The following RPS6KA3 variants were observed in gnomAD, a reference collection of about 807,000 sequenced individuals.
RPS6KA3 encodes ribosomal protein S6 kinase alpha-3.
A neutral mutation model predicts 67.2 loss-of-function variants in RPS6KA3; 4 were observed. The observed-to-expected ratio is 0.06, with a 90% CI of 0.03 to 0.14. The LOEUF is 0.14. Among genes scored for constraint, RPS6KA3 ranks in the 10% least tolerant of loss-of-function variants. The pLI is 1.00. For missense variants in RPS6KA3, 204 were observed against 559.0 expected, an observed-to-expected ratio of 0.36 and a Z score of 6.40; for synonymous variants, 182 against 183.7, an observed-to-expected ratio of 0.99 and a Z score of 0.07.
At position 20,266,628 on chromosome X, in the gene RPS6KA3, G is replaced by A. The variant is rs1227902305; in HGVS notation, c.5C>T (p.Pro2Leu). 14 of 1,142,275 alleles carry A rather than the reference G, an allele frequency of 1.2e-5. No individual in the cohort carries two copies. Among genetic ancestry groups the A allele is most frequent in the African/African-American group, 1.8e-5 (1 of 54,989 alleles). 94.1% of individuals were successfully genotyped at this position (1,142,275 alleles called of 1,213,427 possible). A position where few individuals can be genotyped will look rare whatever the true frequency, so the allele number is the denominator to read the frequency against. M[P>L]LAQLADPWQK... ...CCACGGGTCCGCCAGCTGCGCCAGC[G>A]GCATCTTCCCCCCCGGCCCGCCGCC... The change falls in exon 1 of 22, where the codon CCG becomes CTG. Residue 2 changes from proline (P) to leucine (L), a missense_variant. Physicochemically the swap from Pro to Leu is moderately conservative, Grantham distance 98. Around this residue, in one of 4 missense-constraint regions of RPS6KA3, gnomAD observed 31 missense variants for 42.5 expected, o/e 0.73. Coordinates refer to ENST00000379565, the MANE Select transcript of RPS6KA3 (RefSeq NM_004586.3).
At chrX:20,194,362 T>C (rs1004990569) in intron 5 of RPS6KA3, 94 bp from the exon 6 acceptor site, 8 of 531,339 alleles carry the variant, frequency 1.5e-5, no homozygotes, top group Admixed American at 6.2e-5. Flanking sequence ...ACAAATTAAT[T>C]ATATCAAATG....
chrX:20,234,822 A>G lies in RPS6KA3; in HGVS notation c.70-8T>C, dbSNP rs758657265. On this transcript the variant is annotated splice_polypyrimidine_tract_variant and splice_region_variant and intron_variant, in intron 1 of 21. Coordinates refer to ENST00000379565, the MANE Select transcript of RPS6KA3 (RefSeq NM_004586.3). Reference sequence around the variant, plus strand: ...CATAATTTGCTGTCCATTCTGTGAAAAGCACAGCAAGCAGGAAGTTACCAA... The same window carrying G: ...CATAATTTGCTGTCCATTCTGTGAAGAGCACAGCAAGCAGGAAGTTACCAA... 17 of 1,184,451 alleles carry G rather than the reference A, an allele frequency of 1.4e-5. No individual in the cohort carries two copies. Among genetic ancestry groups the G allele is most frequent in the African/African-American group, 3.6e-5 (2 of 56,198 alleles).
At chrX:20,260,657 GAGAC>G (rs1183155946) in intron 1 of RPS6KA3, among the ~76,000 whole-genome samples, 14 of 111,458 alleles carry the variant, frequency 1.3e-4, no homozygotes, top group Non-Finnish European at 7.6e-5. Flanking sequence ...ACAAAGAACT[GAGAC>G]AGTTCTTTAA....
chrX:20,160,575 T>A (rs2067283154), intron 20 of RPS6KA3, among the ~76,000 whole-genome samples: 1 of 110,660 alleles, frequency 9.0e-6, no homozygotes, highest in Non-Finnish European at 1.9e-5. Flanking sequence ...TACAGGCACC[T>A]GCTACCACAC....
chrX:20,188,645 C>T, intron 7 of RPS6KA3, 111 bp from the exon 8 acceptor site: 1 of 441,531 alleles, frequency 2.3e-6, no homozygotes, highest in South Asian at 3.5e-5. Flanking sequence ...TAAAACATTG[C>T]TTTAGACTGT....
At chrX:20,157,556 C>A (rs2067216885) in intron 20 of RPS6KA3, among the ~76,000 whole-genome samples, 1 of 108,478 alleles carries the variant, frequency 9.2e-6, no homozygotes, top group Non-Finnish European at 1.9e-5. Context: ...GTTTTCAGTT[C>A]AGTGAAGGAG....
intron 7 of RPS6KA3, among the ~76,000 whole-genome samples, chrX:20,190,404 T>C (rs1395161072): frequency 8.9e-6 from 1 of 112,196 alleles, no homozygotes; most frequent in Non-Finnish European, 1.9e-5. Context: ...TTCTAATTAA[T>C]AGCATCATCT....
chrX:20,233,649 G>A (rs779419007), intron 2 of RPS6KA3, among the ~76,000 whole-genome samples: 1 of 110,345 alleles, frequency 9.1e-6, no homozygotes, highest in East Asian at 2.9e-4. Context: ...TACCAAGAAG[G>A]CTGAGGTGGG....
chrX:20,240,229 A>G (rs188707402), intron 1 of RPS6KA3, among the ~76,000 whole-genome samples: 37 of 106,731 alleles, frequency 3.5e-4, no homozygotes, highest in Admixed American at 3.3e-3. Context: ...GAAAAGATCC[A>G]GAGCCCTAGT....
intron 2 of RPS6KA3, among the ~76,000 whole-genome samples, chrX:20,228,786 TTCTA>T (rs1191073968): frequency 8.9e-6 from 1 of 111,755 alleles, no homozygotes; most frequent in Non-Finnish European, 1.9e-5. Flanking sequence ...GTTACCACTC[TTCTA>T]TCTGCTTTTC....
intron 1 of RPS6KA3, among the ~76,000 whole-genome samples, chrX:20,241,301 A>G (rs1401187214): frequency 1.8e-5 from 2 of 110,135 alleles, no homozygotes; most frequent in African/African-American, 6.6e-5. Flanking sequence ...AAACAAGAGT[A>G]TGTTGAGATA....
chrX:20,251,134 C>T (rs1050835856), intron 1 of RPS6KA3, among the ~76,000 whole-genome samples: 1 of 111,206 alleles, frequency 9.0e-6, no homozygotes, highest in Non-Finnish European at 1.9e-5. Flanking sequence ...ATCCTTCTGG[C>T]ATCCATAGAT....
intron 17 of RPS6KA3, among the ~76,000 whole-genome samples, chrX:20,166,874 C>T (rs919889229): frequency 9.1e-6 from 1 of 110,109 alleles, no homozygotes; most frequent in African/African-American, 3.3e-5. Flanking sequence ...TGAGCCATGA[C>T]GCCCGGCTAA....
intron 20 of RPS6KA3, among the ~76,000 whole-genome samples, chrX:20,157,660 T>C (rs1318120053): frequency 4.1e-4 from 45 of 111,006 alleles, no homozygotes; most frequent in Admixed American, 2.9e-3. Flanking sequence ...TACCTGACTG[T>C]ACTGTGTGAG....
At chrX:20,157,338 CA>C (rs1392271224) in intron 20 of RPS6KA3, among the ~76,000 whole-genome samples, 3 of 30,551 alleles carry the variant, frequency 9.8e-5, no homozygotes, top group East Asian at 4.5e-3. Flanking sequence ...CCTGTATCTA[CA>C]ATTTTTTTTT....
At chrX:20,259,026 G>C (rs938423107) in intron 1 of RPS6KA3, among the ~76,000 whole-genome samples, 1 of 111,576 alleles carries the variant, frequency 9.0e-6, no homozygotes, top group African/African-American at 3.3e-5. Flanking sequence ...ATTCTGTTAT[G>C]GTATGTAAAA....
intron 10 of RPS6KA3, among the ~76,000 whole-genome samples, chrX:20,179,174 G>C (rs1396823966): frequency 2.7e-5 from 3 of 111,945 alleles, no homozygotes; most frequent in Non-Finnish European, 5.6e-5. Flanking sequence ...CTGGTTTCTG[G>C]CTTGGAAGAG....
intron 2 of RPS6KA3, among the ~76,000 whole-genome samples, chrX:20,222,903 TG>T (rs1388042418): frequency 8.9e-6 from 1 of 112,018 alleles, no homozygotes; most frequent in Admixed American, 9.5e-5. Flanking sequence ...AATGCTATCT[TG>T]ATCCTGACTT....
intron 1 of RPS6KA3, among the ~76,000 whole-genome samples, chrX:20,259,074 C>A (rs1603433063): frequency 9.0e-6 from 1 of 111,680 alleles, no homozygotes; most frequent in Middle Eastern, 4.6e-3. Context: ...ATATGCCCAG[C>A]AAATACCCCT....
Sources: gnomAD v4.1 joint callset for allele counts (sites outside exome capture counted in the v4.1 genomes callset) on GRCh38, gnomAD v4.1.1 for gene constraint, gnomAD v4.1.1 regional missense constraint, MANE v1.5 for transcripts, NCBI Gene and HGNC (gene_info 2026-07-23, HGNC 2026-07-21) for gene names.